Variants in SCRG1 observed in about 807,000 individuals in gnomAD.
SCRG1 encodes scrapie-responsive protein 1.
In SCRG1, 3 loss-of-function variants were observed where a neutral mutation model predicts 7.7. The observed-to-expected ratio is 0.39, with a 90% CI of 0.18 to 1.01. The LOEUF is 1.01. Among genes scored for constraint, SCRG1 ranks in the 50% least tolerant of loss-of-function variants. SCRG1 has a pLI of 0.36. For synonymous variants in SCRG1, 46 were observed against 41.2 expected (o/e 1.12, Z -0.44); for missense variants, 110 against 117.2 (o/e 0.94, Z 0.28).
At chr4:173,427,481 A>G in the SCRG1 span, among the ~76,000 whole-genome samples, 1 of 152,244 alleles carries the variant, frequency 6.6e-6, no homozygotes, top group Non-Finnish European at 1.5e-5. Context: ...ATGACCAAAG[A>G]TCTTTTTATT....
Position 173,388,005 on chromosome 4 carries a change from G to T in SCRG1, c.*336C>A. ...TTCTTTCAATATGTGGTTAATAACTGTCAACTAAGGACTGAAAGTATTTTC... is the reference window on the plus strand; with the variant it reads ...TTCTTTCAATATGTGGTTAATAACTTTCAACTAAGGACTGAAAGTATTTTC... On this transcript the variant is annotated 3_prime_UTR_variant, in exon 3 of 3. Coordinates refer to ENST00000296506, the MANE Select transcript of SCRG1 (RefSeq NM_007281.4). 1 of 201,442 alleles carries T rather than the reference G, an allele frequency of 5.0e-6. No individual in the cohort carries two copies. 12.5% of individuals were successfully genotyped at this position (201,442 alleles called of 1,614,324 possible). A position where few individuals can be genotyped will look rare whatever the true frequency, so the allele number is the denominator to read the frequency against.
chr4:173,465,086 T>C, the SCRG1 span, among the ~76,000 whole-genome samples: 2 of 152,168 alleles, frequency 1.3e-5, no homozygotes, highest in Non-Finnish European at 2.9e-5. Context: ...CAGCTGCTGA[T>C]AGAAGAGAGG....
chr4:173,500,340 C>T, the SCRG1 span, among the ~76,000 whole-genome samples: 3 of 152,202 alleles, frequency 2.0e-5, no homozygotes, highest in Admixed American at 6.5e-5. Context: ...CGGAGGCCTC[C>T]GGCGCTCCCC....
upstream of SCRG1, among the ~76,000 whole-genome samples, chr4:173,400,000 T>C (rs1029870023): frequency 1.3e-5 from 2 of 152,102 alleles, no homozygotes; most frequent in South Asian, 2.1e-4. Context: ...GAGATGAAAT[T>C]TGAGAGACAA....
the SCRG1 span, among the ~76,000 whole-genome samples, chr4:173,502,827 C>G: frequency 6.6e-6 from 1 of 151,164 alleles, no homozygotes; most frequent in East Asian, 1.9e-4. The surrounding 1 kb of genome is among the most constrained non-coding windows in gnomAD (Gnocchi z 4.6). Context: ...AAGTTCCAAG[C>G]GTCTTCCACA....
chr4:173,436,507 A>G, the SCRG1 span, among the ~76,000 whole-genome samples: 1 of 152,130 alleles, frequency 6.6e-6, no homozygotes, highest in East Asian at 1.9e-4. Context: ...GGGGCAGGGA[A>G]ATGACTCCCC....
chr4:173,473,828 T>C, the SCRG1 span, among the ~76,000 whole-genome samples: 5 of 152,296 alleles, frequency 3.3e-5, no homozygotes, highest in Non-Finnish European at 5.9e-5. Context: ...GTGGCAGTCA[T>C]GGCAGATAAT....
rs894724275 is a variant in SCRG1, at chr4:173,385,885, G to C, written c.*2456C>G. Reference sequence around the variant, plus strand: ...AAGTAGAAAATAAAACTGGTTTGCTGATAGTTTTTTTAAATTTACCTATTC... The same window carrying C: ...AAGTAGAAAATAAAACTGGTTTGCTCATAGTTTTTTTAAATTTACCTATTC... On this transcript the variant is annotated 3_prime_UTR_variant, in exon 3 of 3. Coordinates refer to ENST00000296506, the MANE Select transcript of SCRG1 (RefSeq NM_007281.4). 2 of 152,078 alleles carry C rather than the reference G, an allele frequency of 1.3e-5. No individual in the cohort carries two copies. Among genetic ancestry groups the C allele is most frequent in the African/African-American group, 4.8e-5 (2 of 41,406 alleles). 9.4% of individuals were successfully genotyped at this position (152,078 alleles called of 1,614,324 possible). A position where few individuals can be genotyped will look rare whatever the true frequency, so the allele number is the denominator to read the frequency against.
At chr4:173,393,789 A>ATG (rs1343262371) in intron 1 of SCRG1, among the ~76,000 whole-genome samples, 1 of 151,884 alleles carries the variant, frequency 6.6e-6, no homozygotes, top group East Asian at 1.9e-4. Context: ...ATATATATAT[A>ATG]TGTGCTCTGA....
At chr4:173,507,303 G>A in the SCRG1 span, among the ~76,000 whole-genome samples, 1 of 152,078 alleles carries the variant, frequency 6.6e-6, no homozygotes, top group Non-Finnish European at 1.5e-5. The surrounding 1 kb of genome is among the most constrained non-coding windows in gnomAD (Gnocchi z 4.4). Context: ...TCCGCCTCCC[G>A]GGTTCAAGCG....
the SCRG1 span, among the ~76,000 whole-genome samples, chr4:173,462,551 A>G: frequency 6.6e-6 from 1 of 152,302 alleles, no homozygotes; most frequent in South Asian, 2.1e-4. Context: ...CCCACAAGAA[A>G]TGCTAAAGGG....
chr4:173,421,944 G>A, the SCRG1 span, among the ~76,000 whole-genome samples: 3 of 152,120 alleles, frequency 2.0e-5, no homozygotes, highest in Admixed American at 2.0e-4. Flanking sequence ...TTGGCTGTCA[G>A]ACACATAATA....
At chr4:173,518,921 G>A in the SCRG1 span, among the ~76,000 whole-genome samples, 1 of 128,340 alleles carries the variant, frequency 7.8e-6, no homozygotes, top group Non-Finnish European at 1.6e-5. Context: ...GGTCCACCCC[G>A]GCTTCCCGAG....
At chr4:173,474,906 T>C in the SCRG1 span, among the ~76,000 whole-genome samples, 1 of 148,848 alleles carries the variant, frequency 6.7e-6, no homozygotes, top group South Asian at 2.2e-4. Flanking sequence ...CCTTGTGTGG[T>C]GAGTTAATAT....
the SCRG1 span, among the ~76,000 whole-genome samples, chr4:173,415,517 T>C: frequency 6.6e-6 from 1 of 152,228 alleles, no homozygotes; most frequent in Non-Finnish European, 1.5e-5. Flanking sequence ...TCTGTGCTGA[T>C]GCTGAATTTG....
chr4:173,473,326 G>A, the SCRG1 span, among the ~76,000 whole-genome samples: 2 of 152,354 alleles, frequency 1.3e-5, no homozygotes, highest in Non-Finnish European at 2.9e-5. Context: ...ACCACACATC[G>A]TATTAGCCTA....
chr4:173,488,136 TA>T, the SCRG1 span, among the ~76,000 whole-genome samples: 7 of 108,050 alleles, frequency 6.5e-5, no homozygotes, highest in African/African-American at 2.4e-4. Flanking sequence ...TAAATAAATT[TA>T]AAAAATGGTC....
the SCRG1 span, among the ~76,000 whole-genome samples, chr4:173,491,469 C>G: frequency 1.3e-5 from 2 of 152,138 alleles, no homozygotes; most frequent in Non-Finnish European, 2.9e-5. Flanking sequence ...GAGATCGGTA[C>G]CATGTATTTG....
rs1739254979 is a variant in SCRG1 at position 173,386,567 on chromosome 4, C to T, written c.*1774G>A. On this transcript the variant is annotated 3_prime_UTR_variant, in exon 3 of 3. Coordinates refer to ENST00000296506, the MANE Select transcript of SCRG1 (RefSeq NM_007281.4). ...CACTGTTTTGGGTGTGGTCTTTCAG[C>T]CCAGTAACACTTACTAAACACAGAT... 1.3e-5 allele frequency: 2 copies of T among 152,140 alleles called. No individual in the cohort carries two copies. Among genetic ancestry groups the T allele is most frequent in the Admixed American group, 1.3e-4 (2 of 15,272 alleles). 9.4% of individuals were successfully genotyped at this position (152,140 alleles called of 1,614,324 possible).
Sources: allele counts gnomAD v4.1 joint callset (sites outside exome capture counted in the v4.1 genomes callset), GRCh38; gene constraint gnomAD v4.1.1; non-coding constraint Gnocchi (gnomAD v3.1); transcripts MANE v1.5; gene names NCBI Gene and HGNC (gene_info 2026-07-23, HGNC 2026-07-21).